The following NLGN1 variants were observed in gnomAD, a reference collection of about 807,000 sequenced individuals.
NLGN1 encodes neuroligin 1, also known as neuroligin-1.
Under a neutral mutation model 65.5 loss-of-function variants are expected in NLGN1, and 12 were observed. That is an observed-to-expected ratio of 0.18 (90% confidence interval 0.12 to 0.30). The LOEUF is 0.30. Among genes scored for constraint, NLGN1 ranks in the 10% least tolerant of loss-of-function variants. NLGN1 has a pLI of 1.00. For missense variants in NLGN1, 750 were observed against 1,007.1 expected, an observed-to-expected ratio of 0.74 and a Z score of 3.46; for synonymous variants, 350 against 359.5, an observed-to-expected ratio of 0.97 and a Z score of 0.30.
intron 4 of NLGN1, among the ~76,000 whole-genome samples, chr3:174,124,887 T>C (rs1003800091): frequency 2.6e-5 from 4 of 151,930 alleles, no homozygotes; most frequent in Non-Finnish European, 5.9e-5. Context: ...AAGTTTAAGC[T>C]AACACTTGAA....
At chr3:174,256,841 A>G (rs935045564) in intron 4 of NLGN1, among the ~76,000 whole-genome samples, 1 of 152,226 alleles carries the variant, frequency 6.6e-6, no homozygotes, top group South Asian at 2.1e-4. Context: ...GATTCAGGAC[A>G]TAGGCACAGG....
chr3:173,481,201 G>A (rs1334684236), intron 2 of NLGN1, among the ~76,000 whole-genome samples: 1 of 151,868 alleles, frequency 6.6e-6, no homozygotes, highest in Non-Finnish European at 1.5e-5. Flanking sequence ...TTTACACAGG[G>A]TTAAAGGTTT....
intron 4 of NLGN1, among the ~76,000 whole-genome samples, chr3:174,108,767 G>A (rs1388385244): frequency 6.6e-6 from 1 of 152,078 alleles, no homozygotes; most frequent in Non-Finnish European, 1.5e-5. Context: ...TAATTGAGAA[G>A]ATGGGTCAGA....
intron 3 of NLGN1, among the ~76,000 whole-genome samples, chr3:173,608,047 G>C (rs1751660624): frequency 6.6e-6 from 1 of 151,674 alleles, no homozygotes; most frequent in Non-Finnish European, 1.5e-5. Flanking sequence ...TCTTCCCATA[G>C]AACTTATAAT....
At chr3:173,800,526 A>T (rs976708810) in intron 3 of NLGN1, among the ~76,000 whole-genome samples, 70 of 151,658 alleles carry the variant, frequency 4.6e-4, no homozygotes, top group African/African-American at 1.5e-3. Context: ...TAATTTTTTT[A>T]AAAAATTAAT....
At chr3:173,523,922 C>CTTT (rs34649982) in intron 2 of NLGN1, among the ~76,000 whole-genome samples, 12 of 128,658 alleles carry the variant, frequency 9.3e-5, no homozygotes, top group African/African-American at 2.3e-4. Context: ...TCTTTCTTTC[C>CTTT]TTTTTTTTTT....
At chr3:173,917,577 ACAT>A (rs900209123) in intron 4 of NLGN1, among the ~76,000 whole-genome samples, 3 of 152,198 alleles carry the variant, frequency 2.0e-5, no homozygotes, top group Admixed American at 6.6e-5. Flanking sequence ...AGAAAAGTAA[ACAT>A]ATCCTTCTTT....
chr3:173,604,725 G>A, exon 3 of NLGN1: 2 of 1,613,732 alleles, frequency 1.2e-6, no homozygotes, highest in Non-Finnish European at 1.7e-6. Flanking sequence ...GGCTGGCCAT[G>A]TGCTATCACA....
intron 4 of NLGN1, among the ~76,000 whole-genome samples, chr3:174,158,179 C>T (rs541921775): frequency 6.6e-6 from 1 of 151,848 alleles, no homozygotes; most frequent in South Asian, 2.1e-4. Context: ...AAATCAATTA[C>T]AGTTTTTAGT....
chr3:173,988,087 A>T (rs1720330393), intron 4 of NLGN1, among the ~76,000 whole-genome samples: 1 of 152,152 alleles, frequency 6.6e-6, no homozygotes, highest in South Asian at 2.1e-4. Context: ...GAATATGCCC[A>T]CTTTTAAAAT....
intron 4 of NLGN1, among the ~76,000 whole-genome samples, chr3:174,272,973 A>G (rs1749756305): frequency 6.6e-6 from 1 of 151,538 alleles, no homozygotes; most frequent in Non-Finnish European, 1.5e-5. Context: ...TAGACTGTAT[A>G]TAAAGTAGAA....
At chr3:173,473,765 A>G (rs1248036304) in intron 2 of NLGN1, among the ~76,000 whole-genome samples, 1 of 152,218 alleles carries the variant, frequency 6.6e-6, no homozygotes, top group East Asian at 1.9e-4. Context: ...GTTCCCAAAT[A>G]AATAATCTCA....
At chr3:173,892,177 T>C (rs915499686) in intron 4 of NLGN1, among the ~76,000 whole-genome samples, 3 of 126,992 alleles carry the variant, frequency 2.4e-5, no homozygotes, top group African/African-American at 8.3e-5. Flanking sequence ...ATATTTAAGG[T>C]TTTTTTTTTT....
At chr3:173,439,474 C>T (rs1193293403) in intron 2 of NLGN1, among the ~76,000 whole-genome samples, 3 of 150,486 alleles carry the variant, frequency 2.0e-5, no homozygotes, top group Non-Finnish European at 4.4e-5. Flanking sequence ...GCTCATCTCA[C>T]ATCTTTGAAG....
At chr3:173,881,162 G>C (rs1002267081) in intron 4 of NLGN1, among the ~76,000 whole-genome samples, 2 of 140,430 alleles carry the variant, frequency 1.4e-5, no homozygotes, top group Non-Finnish European at 3.1e-5. Flanking sequence ...GCAGTGGTGC[G>C]ATCTCAGCTC....
intron 3 of NLGN1, among the ~76,000 whole-genome samples, chr3:173,664,909 G>C (rs1222240125): frequency 1.3e-5 from 2 of 152,002 alleles, no homozygotes; most frequent in Non-Finnish European, 2.9e-5. Flanking sequence ...AAAATGCTCT[G>C]AATTTCCACT....
intron 4 of NLGN1, among the ~76,000 whole-genome samples, chr3:173,920,345 G>A (rs1197660015): frequency 6.6e-6 from 1 of 152,114 alleles, no homozygotes; most frequent in Non-Finnish European, 1.5e-5. Flanking sequence ...GCCATTGACT[G>A]TGCTCATAAA....
Position 174,246,634 on chromosome 3 carries a change from G to A in NLGN1, c.647-28681G>A, listed in dbSNP as rs149392034. Among the ~76,000 whole-genome samples the A allele has an allele frequency of 3.0e-3, 454 of 152,168 alleles. 1 individual carries two copies. Among genetic ancestry groups the A allele is most frequent in the African/African-American group, 0.01 (430 of 41,514 alleles). On this transcript the variant is annotated intron_variant, in intron 4 of 6. Coordinates refer to ENST00000457714, the Ensembl canonical transcript of NLGN1. ...AAGTCTCACTATGTTGCCCAGACTA[G>A]TCTCAAACTCCTGGCCTCAAGTGAT...
chr3:173,629,541 A>T (rs2149534204), intron 3 of NLGN1, among the ~76,000 whole-genome samples: 1 of 152,308 alleles, frequency 6.6e-6, no homozygotes, highest in African/African-American at 2.4e-5. Context: ...TTTAGGTATG[A>T]TTAGTAAAAG....
Sources: allele counts gnomAD v4.1 joint callset (sites outside exome capture counted in the v4.1 genomes callset), GRCh38; gene constraint gnomAD v4.1.1; transcripts MANE v1.5; gene names NCBI Gene and HGNC (gene_info 2026-07-23, HGNC 2026-07-21).